Variants in CEP128 observed in about 807,000 individuals in gnomAD.
The protein encoded by CEP128 is centrosomal protein 128kDa.
A neutral mutation model predicts 156.7 loss-of-function variants in CEP128; 132 were observed. That is an observed-to-expected ratio of 0.84 (90% CI 0.73 to 0.97). The LOEUF (loss-of-function observed/expected upper bound fraction) is 0.97, where lower values mean the gene tolerates loss of function less well. Ranked by LOEUF, CEP128 falls within the 50% of genes least tolerant of loss-of-function variation. The pLI is 0.00. For synonymous variants in CEP128, 469 were observed against 448.9 expected (o/e 1.04, Z -0.57); for missense variants, 1,252 against 1,281.9 (o/e 0.98, Z 0.36).
intron 13 of CEP128, among the ~76,000 whole-genome samples, chr14:80,793,964 C>G (rs1002949016): frequency 3.3e-5 from 5 of 152,154 alleles, no homozygotes; most frequent in Non-Finnish European, 7.4e-5. Context: ...CATTAAGCCA[C>G]TTTTGTAAAG....
intron 7 of CEP128, among the ~76,000 whole-genome samples, 199 bp from the exon 8 acceptor site, chr14:80,895,989 C>T (rs73344023): frequency 0.013 from 1,986 of 152,176 alleles, 45 homozygotes; most frequent in African/African-American, 0.045. Context: ...TTCAAATCAG[C>T]AAATCTGAGA....
In CEP128 at chr14:80,785,133, T is replaced by G; in HGVS notation, c.1973A>C (p.Lys658Thr). Reference protein sequence around the residue: ...ANKLAEEERAKKAVLKDLSDL... With the variant: ...ANKLAEEERATKAVLKDLSDL... Reference sequence around the variant, plus strand: ...AGAAAGGTCCTTAAGCACTGCTTTCTTGGCTCTCTCTTCCTCAGCCAATTT... The same window carrying G: ...AGAAAGGTCCTTAAGCACTGCTTTCGTGGCTCTCTCTTCCTCAGCCAATTT... The change falls in exon 15 of 25, where the codon AAG becomes ACG. Residue 658 changes from lysine (K) to threonine (T), a missense_variant. Transcript: ENST00000555265. The G allele has an allele frequency of 2.5e-6, 4 of 1,614,170 alleles. No homozygotes were observed. Among genetic ancestry groups the G allele is most frequent in the Non-Finnish European group, 3.4e-6 (4 of 1,179,984 alleles).
rs567102952 is a variant in CEP128 at position 80,859,552 on chromosome 14, ATAAAT to A, written c.762+3200_762+3204del. Among the ~76,000 whole-genome samples, 890 of 151,828 alleles carry A rather than the reference ATAAAT, an allele frequency of 5.9e-3. 7 individuals carry two copies. The highest frequency in any genetic ancestry group is 0.02 in the African/African-American group (834 of 41,234). On this transcript the variant is annotated intron_variant, in intron 9 of 24. Coordinates refer to ENST00000555265, the MANE Select transcript of CEP128 (RefSeq NM_152446.5). The stretch of plus-strand genomic sequence containing the variant: ...CCCTAAAACTTAAAGTATAATAATA[ATAAAT>A]TAATTAATTTTTAAAAAAAAGAAAG...
intron 7 of CEP128, among the ~76,000 whole-genome samples, chr14:80,899,075 C>T (rs1234819672): frequency 2.6e-5 from 4 of 152,002 alleles, no homozygotes; most frequent in Admixed American, 2.0e-4. Flanking sequence ...AGTTAAATCA[C>T]GAAATAAGGG....
intron 19 of CEP128, among the ~76,000 whole-genome samples, chr14:80,627,710 C>T (rs963492494): frequency 1.3e-5 from 2 of 149,336 alleles, no homozygotes. Context: ...TTTAGAAAGT[C>T]CATTTTTATT....
At chr14:80,553,205 C>T (rs1890284724) in intron 21 of CEP128, among the ~76,000 whole-genome samples, 1 of 151,986 alleles carries the variant, frequency 6.6e-6, no homozygotes, top group Non-Finnish European at 1.5e-5. Flanking sequence ...GGTTTTAAGC[C>T]CCACATGCAT....
intron 15 of CEP128, among the ~76,000 whole-genome samples, chr14:80,780,476 A>G (rs1316527861): frequency 6.6e-6 from 1 of 152,134 alleles, no homozygotes; most frequent in Admixed American, 6.5e-5. Context: ...CTCTAGAGCA[A>G]CTTCAATACC....
At chr14:80,896,939 T>C (rs1171943994) in intron 7 of CEP128, among the ~76,000 whole-genome samples, 2 of 152,240 alleles carry the variant, frequency 1.3e-5, no homozygotes, top group Non-Finnish European at 2.9e-5. Flanking sequence ...TTAATTTTAC[T>C]GTTTCTTAAT....
chr14:80,939,920 C>G (rs983814041), intron 1 of CEP128, among the ~76,000 whole-genome samples: 1 of 152,312 alleles, frequency 6.6e-6, no homozygotes, highest in South Asian at 2.1e-4. Context: ...ATTATACTTC[C>G]AAGCCAGTCT....
In CEP128 at chr14:80,785,076, T is replaced by C. The variant is rs1414162529; in HGVS notation, c.2030A>G (p.Glu677Gly). 6.2e-7 allele frequency: 1 copy of C among 1,614,076 alleles called. No homozygotes were observed. Among genetic ancestry groups the C allele is most frequent in the Non-Finnish European group, 8.5e-7 (1 of 1,180,012 alleles). Residue 677 changes from glutamate (E) to glycine (G), a missense_variant, in exon 15 of 25, where the codon GAA becomes GGA. Coordinates refer to ENST00000555265, the MANE Select transcript of CEP128 (RefSeq NM_152446.5). ...CTGTGTGATGATTGTAGCTGTTTCT[T>C]CATCCCTGGATTTTGCCTGTGCAGT... The part of the protein sequence containing the change: ...DLTAQAKSRD[E>G]ETATIITQLK...
chr14:80,851,118 C>T lies in CEP128; in HGVS notation c.763-10350G>A, dbSNP rs555091243. Among the ~76,000 whole-genome samples, 10 of 152,224 alleles carry T rather than the reference C, an allele frequency of 6.6e-5. No individual in the cohort carries two copies. In the South Asian group the frequency reaches 1.9e-3, roughly 28 times the overall value. ...TTATATGCAGCTGAACAATCACTTA[C>T]ATTTGGAAACGTCAATTTCTTTAGC... On this transcript the variant is annotated intron_variant, in intron 9 of 24. Transcript: ENST00000555265.
intron 8 of CEP128, among the ~76,000 whole-genome samples, chr14:80,870,869 C>A (rs1437087429): frequency 2.0e-5 from 3 of 151,268 alleles, no homozygotes. Flanking sequence ...CTAAAAAAAA[C>A]TGTTAGAAGT....
chr14:80,508,452 T>C (rs1594926767), intron 23 of CEP128, among the ~76,000 whole-genome samples: 1 of 152,090 alleles, frequency 6.6e-6, no homozygotes, highest in African/African-American at 2.4e-5. Flanking sequence ...TCGTTTCCTA[T>C]TTTTTCATGG....
chr14:80,554,567 T>C (rs1436105076), intron 21 of CEP128, among the ~76,000 whole-genome samples: 1 of 152,142 alleles, frequency 6.6e-6, no homozygotes, highest in Non-Finnish European at 1.5e-5. Flanking sequence ...AATTTAGTCA[T>C]GCTATTTCTT....
intron 2 of CEP128, chr14:80,956,002 G>A: frequency 1.1e-6 from 1 of 936,108 alleles, no homozygotes; most frequent in Non-Finnish European, 1.7e-6. Context: ...AGATGTGTGT[G>A]TGTGCTAAAA....
At chr14:80,784,773 G>C in intron 15 of CEP128, 122 bp downstream of exon 15, 1 of 875,072 alleles carries the variant, frequency 1.1e-6, no homozygotes, top group Non-Finnish European at 1.7e-6. Context: ...CTTTATTGTT[G>C]GTTTTATCTT....
At chr14:80,528,025 C>T (rs1004169247) in intron 22 of CEP128, among the ~76,000 whole-genome samples, 1 of 151,852 alleles carries the variant, frequency 6.6e-6, no homozygotes, top group East Asian at 1.9e-4. Context: ...AAAACACGTA[C>T]GGATTTAGTG....
intron 19 of CEP128, among the ~76,000 whole-genome samples, chr14:80,698,204 T>G (rs1896953890): frequency 6.6e-6 from 1 of 152,008 alleles, no homozygotes; most frequent in Admixed American, 6.6e-5. Context: ...CCTCTGAGAG[T>G]TAGTGAGAGT....
At chr14:80,704,393 A>C (rs1281201859) in intron 19 of CEP128, among the ~76,000 whole-genome samples, 2 of 152,086 alleles carry the variant, frequency 1.3e-5, no homozygotes, top group Non-Finnish European at 2.9e-5. Flanking sequence ...TTTTTTAAAA[A>C]AGTTTATGAG....
Sources: allele counts gnomAD v4.1 joint callset (sites outside exome capture counted in the v4.1 genomes callset), GRCh38; gene constraint gnomAD v4.1.1; transcripts MANE v1.5; gene names NCBI Gene and HGNC (gene_info 2026-07-23, HGNC 2026-07-21).